The following SHISA6 variants were observed in gnomAD, a reference collection of about 807,000 sequenced individuals.
The protein encoded by SHISA6 is protein shisa-6.
SHISA6 carries 22 observed loss-of-function variants against 47.9 expected under a neutral mutation model. The observed-to-expected ratio is 0.46, with a 90% CI of 0.33 to 0.66. The LOEUF (loss-of-function observed/expected upper bound fraction) is 0.66. SHISA6 is among the 30% of genes least tolerant of loss of function. SHISA6 has a pLI of 0.02. For missense variants in SHISA6, 680 were observed against 764.6 expected, an observed-to-expected ratio of 0.89 and a Z score of 1.30; for synonymous variants, 388 against 337.8, an observed-to-expected ratio of 1.15 and a Z score of -1.63.
chr17:11,532,486 T>C (rs951936018), intron 3 of SHISA6, among the ~76,000 whole-genome samples: 15 of 151,784 alleles, frequency 9.9e-5, no homozygotes, highest in South Asian at 2.1e-4. Flanking sequence ...TGCGCGCGCG[T>C]GTGTGTGTGT....
intron 3 of SHISA6, among the ~76,000 whole-genome samples, chr17:11,497,166 C>T (rs772373281): frequency 6.6e-6 from 1 of 152,152 alleles, no homozygotes; most frequent in African/African-American, 2.4e-5. Context: ...AAGGAGAAGA[C>T]AAGACAGTGT....
chr17:11,330,489 G>GGAGAGAGAGA (rs4055800), intron 2 of SHISA6, among the ~76,000 whole-genome samples: 2,182 of 147,612 alleles, frequency 0.015, 43 homozygotes, highest in African/African-American at 0.05. Flanking sequence ...GTAATGCTAG[G>GGAGAGAGAGA]GAGAGAGAGA....
intron 3 of SHISA6, among the ~76,000 whole-genome samples, chr17:11,532,506 C>T (rs569654422): frequency 3.9e-5 from 6 of 152,272 alleles, no homozygotes; most frequent in African/African-American, 7.2e-5. Flanking sequence ...TGCGCGCACG[C>T]GCGTATGTGT....
chr17:11,439,776 G>A (rs1915049567), intron 3 of SHISA6, among the ~76,000 whole-genome samples: 1 of 152,172 alleles, frequency 6.6e-6, no homozygotes, highest in African/African-American at 2.4e-5. Flanking sequence ...GAAAACTTCT[G>A]AATGCAACTC....
At chr17:11,537,710 AGAGT>A (rs2071799535) in intron 3 of SHISA6, among the ~76,000 whole-genome samples, 1 of 152,212 alleles carries the variant, frequency 6.6e-6, no homozygotes, top group Non-Finnish European at 1.5e-5. Context: ...TGCTACCTCA[AGAGT>A]TGATTCATTT....
chr17:11,317,609 T>TTTTGTTTTTTTTAAAC (rs1190385735), intron 2 of SHISA6, among the ~76,000 whole-genome samples: 2 of 152,006 alleles, frequency 1.3e-5, no homozygotes, highest in Non-Finnish European at 2.9e-5. Flanking sequence ...ATTATTTCGA[T>TTTTGTTTTTTTTAAAC]TTTGTTTTTT....
At position 11,414,532 on chromosome 17, in the gene SHISA6, T is replaced by C. The variant is rs531427373; in HGVS notation, c.895+35023T>C. Reference sequence around the variant, plus strand: ...TCAGTCATGGCAAAACCTTGCAAAGTACACGTGAGTACAAAGTGGCTGCTT... The same window carrying C: ...TCAGTCATGGCAAAACCTTGCAAAGCACACGTGAGTACAAAGTGGCTGCTT... On this transcript the variant is annotated intron_variant, in intron 3 of 5. Coordinates refer to ENST00000441885, the MANE Select transcript of SHISA6 (RefSeq NM_207386.4). Among the ~76,000 whole-genome samples, 136 of 152,298 alleles carry C rather than the reference T, an allele frequency of 8.9e-4. 1 individual carries two copies. Among genetic ancestry groups the C allele is most frequent in the African/African-American group, 3.2e-3 (131 of 41,570 alleles).
At chr17:11,280,798 T>C (rs1909090384) in intron 2 of SHISA6, among the ~76,000 whole-genome samples, 1 of 152,192 alleles carries the variant, frequency 6.6e-6, no homozygotes, top group Non-Finnish European at 1.5e-5. Context: ...AGCAGCGTGC[T>C]CAATGGGTTG....
intron 3 of SHISA6, among the ~76,000 whole-genome samples, chr17:11,384,031 T>C (rs986841125): frequency 6.6e-6 from 1 of 152,186 alleles, no homozygotes; most frequent in Admixed American, 6.5e-5. Context: ...CATACATAAA[T>C]ACATACATAC....
At chr17:11,503,192 G>A (rs1567623405) in intron 3 of SHISA6, among the ~76,000 whole-genome samples, 1 of 152,140 alleles carries the variant, frequency 6.6e-6, no homozygotes, top group Admixed American at 6.6e-5. Context: ...TGAGATCGCT[G>A]AGCTAGCTGA....
At chr17:11,518,282 G>C (rs1282464547) in intron 3 of SHISA6, among the ~76,000 whole-genome samples, 1 of 152,156 alleles carries the variant, frequency 6.6e-6, no homozygotes, top group Non-Finnish European at 1.5e-5. Flanking sequence ...TAAGTAAGAT[G>C]CTTAGAACTA....
rs528669333 is a variant in SHISA6, at chr17:11,465,200, C to T, written c.895+85691C>T. On this transcript the variant is annotated intron_variant, in intron 3 of 5. Transcript: ENST00000441885. ...GTGTCCTTTCCTGCTCCCCTCGGTG[C>T]GCTTTCTGTCCCCTCTGTGTTCTCA... Among the ~76,000 whole-genome samples, 143 of 152,280 alleles carry T rather than the reference C, an allele frequency of 9.4e-4. 1 individual carries two copies. The highest frequency in any genetic ancestry group is 1.5e-3 in the Non-Finnish European group (101 of 68,036).
intron 3 of SHISA6, among the ~76,000 whole-genome samples, chr17:11,515,720 C>T (rs1385713462): frequency 6.6e-6 from 1 of 152,120 alleles, no homozygotes. Context: ...CCTCACAACA[C>T]TGTCCTAGCA....
chr17:11,397,699 T>C (rs12940241), intron 3 of SHISA6, among the ~76,000 whole-genome samples: 5 of 151,968 alleles, frequency 3.3e-5, no homozygotes, highest in African/African-American at 1.2e-4. Flanking sequence ...AGACGTCTGA[T>C]GACAGTTAAA....
chr17:11,527,759 A>T (rs113588548), intron 3 of SHISA6, among the ~76,000 whole-genome samples: 2,748 of 152,296 alleles, frequency 0.018, 71 homozygotes, highest in East Asian at 0.087. Context: ...TACAAGAGAG[A>T]CCGTACAGCC....
At chr17:11,254,530 T>C (rs1384032774) in intron 1 of SHISA6, among the ~76,000 whole-genome samples, 2 of 152,230 alleles carry the variant, frequency 1.3e-5, no homozygotes, top group Non-Finnish European at 2.9e-5. Flanking sequence ...AGAGGACTTA[T>C]GAGGCATTTT....
intron 2 of SHISA6, among the ~76,000 whole-genome samples, chr17:11,316,556 G>A (rs9898617): frequency 0.74 from 112,390 of 151,268 alleles, 41,926 homozygotes; most frequent in Middle Eastern, 0.78. Flanking sequence ...AAGTAATGGG[G>A]ATTACAGGTG....
intron 3 of SHISA6, among the ~76,000 whole-genome samples, chr17:11,490,501 G>A (rs1916447010): frequency 6.6e-6 from 1 of 152,142 alleles, no homozygotes; most frequent in Non-Finnish European, 1.5e-5. Flanking sequence ...GCCTTTGCAA[G>A]CTTCAGGGAG....
chr17:11,275,225 G>C (rs1004288042), intron 2 of SHISA6, among the ~76,000 whole-genome samples: 1 of 151,770 alleles, frequency 6.6e-6, no homozygotes. Flanking sequence ...GGTAGGGGTC[G>C]CTGCTGTGGA....
Sources: gnomAD v4.1 joint callset for allele counts (sites outside exome capture counted in the v4.1 genomes callset) on GRCh38, gnomAD v4.1.1 for gene constraint, MANE v1.5 for transcripts, NCBI Gene and HGNC (gene_info 2026-07-23, HGNC 2026-07-21) for gene names.